Variants in GOLGA8S observed in about 807,000 individuals in gnomAD.
GOLGA8S encodes the protein golgin A8 family member S, also known as golgin subfamily A member 8S.
In GOLGA8S, 23 loss-of-function variants were observed where a neutral mutation model predicts 58.9. The ratio of observed to expected loss-of-function variants is 0.39; its 90% CI spans 0.28 to 0.55. GOLGA8S has a LOEUF of 0.55. Ranked by LOEUF, GOLGA8S falls within the 20% of genes least tolerant of loss-of-function variation. The pLI, the probability that GOLGA8S is intolerant of heterozygous loss-of-function variation, is 0.63. For missense variants in GOLGA8S, 266 were observed against 514.2 expected, an observed-to-expected ratio of 0.52 and a Z score of 4.67; for synonymous variants, 84 against 195.7, an observed-to-expected ratio of 0.43 and a Z score of 4.76.
At chr15:23,364,305 G>T in intron 15 of GOLGA8S, 38 bp from the exon 16 acceptor site, 1 of 1,596,518 alleles carries the variant, frequency 6.3e-7, no homozygotes. Flanking sequence ...CTGAGGGCAG[G>T]TCGCTGCCGA....
chr15:23,354,975 C>A lies in GOLGA8S; in HGVS notation c.48+82C>A, dbSNP rs542497849. ...AAGACTGCTGCCAGAGTCCATACCA[C>A]TCCCGAGGTTCACCGGACTGGGGCC... On this transcript the variant is annotated intron_variant, in intron 1 of 18. Coordinates refer to ENST00000562295, the Ensembl canonical transcript of GOLGA8S. 1,469 of 407,326 alleles carry A rather than the reference C, an allele frequency of 3.6e-3. 445 individuals carry two copies. The highest frequency in any genetic ancestry group is 0.035 in the South Asian group (1,418 of 40,150). 25.2% of individuals were successfully genotyped at this position (407,326 alleles called of 1,614,324 possible). A position where few individuals can be genotyped will look rare whatever the true frequency, so the allele number is the denominator to read the frequency against.
intron 12 of GOLGA8S, 75 bp from the exon 13 acceptor site, chr15:23,361,649 G>C: frequency 1.6e-6 from 1 of 625,602 alleles, no homozygotes; most frequent in African/African-American, 2.0e-5. Context: ...CCTTCCCGGT[G>C]CCATGGGAGG....
exon 15 of GOLGA8S, chr15:23,363,701 A>G (rs1305524396): frequency 1.0e-5 from 5 of 495,864 alleles, no homozygotes; most frequent in Non-Finnish European, 1.7e-5. Context: ...ACATCTGGAC[A>G]GTGAGGGGGA....
At chr15:23,356,817 G>A (rs2141020813) in intron 2 of GOLGA8S, 107 bp downstream of exon 2, 2 of 165,514 alleles carry the variant, frequency 1.2e-5, no homozygotes, top group Admixed American at 1.7e-4. Flanking sequence ...AGAATTCTGG[G>A]TTTGAATCCT....
chr15:23,359,895 G>T (rs1483163917), intron 8 of GOLGA8S, among the ~76,000 whole-genome samples: 3 of 148,202 alleles, frequency 2.0e-5, no homozygotes, highest in African/African-American at 7.6e-5. Context: ...GGTCATCATA[G>T]TAACTGTCTC....
At chr15:23,364,380 T>C in exon 16 of GOLGA8S, 1 of 1,603,362 alleles carries the variant, frequency 6.2e-7, no homozygotes, top group South Asian at 1.1e-5. Flanking sequence ...AAGGCAGACC[T>C]GAGTGAGCTG....
downstream of GOLGA8S, chr15:23,365,156 T>G (rs570767286): frequency 7.6e-6 from 12 of 1,586,230 alleles, no homozygotes; most frequent in Admixed American, 8.4e-5. Context: ...ATCAAAGAGC[T>G]GCTCAAGAAA....
At chr15:23,364,419 A>C in exon 16 of GOLGA8S, 3 of 1,604,852 alleles carry the variant, frequency 1.9e-6, no homozygotes, top group Non-Finnish European at 1.7e-6. Flanking sequence ...CGCTTCATTC[A>C]ATACTGGCAA....
chr15:23,364,324 T>G lies in GOLGA8S; in HGVS notation c.1348-19T>G. 1.9e-6 allele frequency: 3 copies of G among 1,598,942 alleles called. No individual in the cohort carries two copies. Among genetic ancestry groups the G allele is most frequent in the Non-Finnish European group, 2.5e-6 (3 of 1,177,770 alleles). ...GGGCAGGTCGCTGCCGAGATGTGAC[T>G]ACAATATTTTGGCTCCAGAGCAGCT... is the stretch of plus-strand genomic sequence containing the variant. On this transcript the variant is annotated intron_variant, in intron 15 of 18. Coordinates refer to ENST00000562295, the Ensembl canonical transcript of GOLGA8S.
downstream of GOLGA8S, chr15:23,365,649 C>T (rs2069908653): frequency 5.0e-6 from 1 of 200,298 alleles, no homozygotes; most frequent in Non-Finnish European, 1.0e-5. Context: ...TGTAATATGC[C>T]ACTATGAGTA....
downstream of GOLGA8S, among the ~76,000 whole-genome samples, chr15:23,368,438 C>G (rs2069954832): frequency 6.6e-6 from 1 of 151,364 alleles, no homozygotes; most frequent in Non-Finnish European, 1.5e-5. Context: ...TTCATTTTTA[C>G]AAAATTGTAA....
Position 23,360,832 on chromosome 15 carries a change from G to A in GOLGA8S, c.874+17G>A, listed in dbSNP as rs754594961. ...ACCAGATGGGTAAGATGGGGCTGGC[G>A]TGACCTGGCAGCAGGACTGGCATCA... On this transcript the variant is annotated intron_variant, in intron 11 of 18. Coordinates refer to ENST00000562295, the Ensembl canonical transcript of GOLGA8S. The A allele has an allele frequency of 5.3e-5, 74 of 1,390,078 alleles. 4 individuals carry two copies. Among genetic ancestry groups the A allele is most frequent in the South Asian group, 1.2e-4 (10 of 85,402 alleles). The allele number at this position is 1,390,078 out of a possible 1,614,324, so 86.1% of individuals were successfully genotyped here.
intron 8 of GOLGA8S, among the ~76,000 whole-genome samples, chr15:23,359,660 T>C (rs2141023854): frequency 7.0e-6 from 1 of 143,798 alleles, no homozygotes; most frequent in East Asian, 1.9e-4. Flanking sequence ...TGGGAGATAC[T>C]TCCCTTCTGT....
At chr15:23,365,058 A>G in exon 19 of GOLGA8S, 1 of 1,580,488 alleles carries the variant, frequency 6.3e-7, no homozygotes, top group Non-Finnish European at 8.6e-7. Context: ...CAGGACCACC[A>G]GGAGCACCCA....
intron 1 of GOLGA8S, among the ~76,000 whole-genome samples, 200 bp from the exon 2 acceptor site, chr15:23,356,391 G>A (rs896589439): frequency 4.7e-5 from 6 of 128,778 alleles, no homozygotes; most frequent in Non-Finnish European, 1.0e-4. Flanking sequence ...TTCATCTGTC[G>A]CCTTTTTCTT....
rs754716184 is a variant in GOLGA8S at position 23,364,475 on chromosome 15, G to A, written c.1448+32G>A. On this transcript the variant is annotated intron_variant, in intron 16 of 18. Coordinates refer to ENST00000562295, the Ensembl canonical transcript of GOLGA8S. ...GGGAGGCCAGGGCACAGCAGGGGGA[G>A]CTACAGGGCCGTCGGAGGGGCCCCA... is the stretch of plus-strand genomic sequence containing the variant. The A allele has an allele frequency of 1.0e-5, 16 of 1,605,202 alleles. No homozygotes were observed. In the South Asian group the frequency reaches 1.8e-4, roughly 18 times the overall value.
At chr15:23,367,938 C>G (rs1271035860), downstream of GOLGA8S, among the ~76,000 whole-genome samples, 1 of 151,840 alleles carries the variant, frequency 6.6e-6, no homozygotes, top group African/African-American at 2.4e-5. Flanking sequence ...AAAACGAAAG[C>G]TGATTTTAGA....
intron 8 of GOLGA8S, among the ~76,000 whole-genome samples, chr15:23,359,929 T>A (rs2069757033): frequency 6.7e-6 from 1 of 149,154 alleles, no homozygotes; most frequent in African/African-American, 2.5e-5. Context: ...GAGGATTAAA[T>A]GGGATTGCTA....
chr15:23,360,650 G>A, intron 10 of GOLGA8S, 78 bp from the exon 11 acceptor site: 3 of 1,240,652 alleles, frequency 2.4e-6, no homozygotes, highest in East Asian at 2.3e-5. Flanking sequence ...TGTGGAGGTG[G>A]GGGCAGAGAG....
Sources: gnomAD v4.1 joint callset for allele counts (sites outside exome capture counted in the v4.1 genomes callset) on GRCh38, gnomAD v4.1.1 for gene constraint, MANE v1.5 for transcripts, NCBI Gene and HGNC (gene_info 2026-07-23, HGNC 2026-07-21) for gene names.